The following RGPD2 variants were observed in gnomAD, a reference collection of about 807,000 sequenced individuals.
The protein encoded by RGPD2 is RANBP2-like and GRIP domain-containing protein 2.
In RGPD2, 2 loss-of-function variants were observed where a neutral mutation model predicts 36.0. That is an observed-to-expected ratio of 0.06 (90% CI 0.02 to 0.17). RGPD2 has a LOEUF of 0.17. Among genes scored for constraint, RGPD2 ranks in the 10% least tolerant of loss-of-function variants. The probability of loss-of-function intolerance (pLI) is 1.00; values close to 1 mark genes in which losing one functional copy is unlikely to be tolerated. For missense variants in RGPD2, 40 were observed against 464.3 expected (o/e 0.09, Z 8.40); for synonymous variants, 19 against 163.8 (o/e 0.12, Z 6.75).
At chr2:87,932,882 AT>A in the RGPD2 span, among the ~76,000 whole-genome samples, 2 of 142,094 alleles carry the variant, frequency 1.4e-5, no homozygotes, top group Admixed American at 6.9e-5. Context: ...TGCCTTTAAC[AT>A]TTTTTCTTTC....
chr2:87,875,749 G>A, the RGPD2 span, among the ~76,000 whole-genome samples: 1 of 152,256 alleles, frequency 6.6e-6, no homozygotes, highest in Non-Finnish European at 1.5e-5. Context: ...GAGTTAGAGG[G>A]GAGTCCCTCA....
the RGPD2 span, among the ~76,000 whole-genome samples, chr2:87,964,820 T>C: frequency 1.2e-5 from 1 of 80,216 alleles, no homozygotes; most frequent in Admixed American, 1.2e-4. Context: ...TATTTATTTT[T>C]CTTTTTGAGA....
At chr2:87,769,977 T>C (rs915027968) in intron 22 of RGPD2, among the ~76,000 whole-genome samples, 1 of 149,762 alleles carries the variant, frequency 6.7e-6, no homozygotes, top group African/African-American at 2.4e-5. Context: ...TATAGAAACC[T>C]ATCCTATAGT....
chr2:87,769,012 G>A (rs1204426370), intron 22 of RGPD2, among the ~76,000 whole-genome samples: 1 of 30,432 alleles, frequency 3.3e-5, no homozygotes, highest in African/African-American at 1.1e-4. Flanking sequence ...TTGTTGCTCG[G>A]GCTGGAGTGC....
At chr2:87,882,989 C>A in the RGPD2 span, among the ~76,000 whole-genome samples, 1 of 151,812 alleles carries the variant, frequency 6.6e-6, no homozygotes, top group Non-Finnish European at 1.5e-5. Flanking sequence ...TTAGTGGAGT[C>A]TTTAGGATTT....
chr2:87,914,900 A>C, the RGPD2 span, among the ~76,000 whole-genome samples: 1 of 152,278 alleles, frequency 6.6e-6, no homozygotes, highest in East Asian at 1.9e-4. Context: ...GCATTTTAAA[A>C]AGGAAACTTG....
chr2:87,957,687 TG>T, the RGPD2 span, among the ~76,000 whole-genome samples: 1 of 152,220 alleles, frequency 6.6e-6, no homozygotes, highest in South Asian at 2.1e-4. Context: ...ATATGAATTT[TG>T]GGGGGGAGTC....
chr2:87,967,281 G>A, the RGPD2 span, among the ~76,000 whole-genome samples: 13 of 147,704 alleles, frequency 8.8e-5, no homozygotes, highest in South Asian at 2.1e-4. Flanking sequence ...GGTGGCATGC[G>A]CCTGTAGTCC....
the RGPD2 span, among the ~76,000 whole-genome samples, chr2:87,857,409 C>G: frequency 6.6e-6 from 1 of 151,760 alleles, no homozygotes; most frequent in East Asian, 2.0e-4. Context: ...GTGGTGCAAT[C>G]TCAGCTCACT....
At chr2:87,988,786 C>T in the RGPD2 span, among the ~76,000 whole-genome samples, 1 of 151,990 alleles carries the variant, frequency 6.6e-6, no homozygotes, top group Non-Finnish European at 1.5e-5. Flanking sequence ...AGCGATCCAC[C>T]TGCCTCAGTC....
the RGPD2 span, among the ~76,000 whole-genome samples, chr2:87,876,544 T>C: frequency 3.7e-4 from 57 of 152,292 alleles, no homozygotes; most frequent in African/African-American, 1.3e-3. Flanking sequence ...GGTTTTGAGT[T>C]CATTTCTTAA....
At chr2:87,864,576 TGATAGATAGATA>T in the RGPD2 span, among the ~76,000 whole-genome samples, 2,341 of 151,084 alleles carry the variant, frequency 0.015, 8 homozygotes, top group African/African-American at 0.046. Flanking sequence ...CATAGATAGA[TGATAGATAGATA>T]GATAGATAGA....
the RGPD2 span, among the ~76,000 whole-genome samples, chr2:87,837,334 G>A: frequency 2.0e-5 from 3 of 151,584 alleles, no homozygotes; most frequent in East Asian, 1.9e-4. Flanking sequence ...AGCAATTCTC[G>A]ACAAATTCAT....
chr2:87,915,668 A>G, the RGPD2 span, among the ~76,000 whole-genome samples: 1 of 147,710 alleles, frequency 6.8e-6, no homozygotes, highest in Non-Finnish European at 1.5e-5. Context: ...GTGTATATAT[A>G]TATATCTCCC....
At chr2:87,839,711 G>A in the RGPD2 span, among the ~76,000 whole-genome samples, 3 of 152,006 alleles carry the variant, frequency 2.0e-5, no homozygotes, top group Admixed American at 6.6e-5. Flanking sequence ...ATAGGTAGAA[G>A]TTACACAATG....
At chr2:87,885,056 C>T in the RGPD2 span, among the ~76,000 whole-genome samples, 2,780 of 152,096 alleles carry the variant, frequency 0.018, 12 homozygotes, top group Non-Finnish European at 0.021. Flanking sequence ...TGCATATGGA[C>T]TCCAACTTAG....
At chr2:87,772,931 G>A (rs1195159501) in intron 21 of RGPD2, among the ~76,000 whole-genome samples, 1 of 132,988 alleles carries the variant, frequency 7.5e-6, no homozygotes. Context: ...CTGATGGAAC[G>A]TCTCCATGAG....
the RGPD2 span, among the ~76,000 whole-genome samples, chr2:87,921,503 G>A: frequency 6.6e-6 from 1 of 151,976 alleles, no homozygotes; most frequent in Non-Finnish European, 1.5e-5. Flanking sequence ...CCCAAAGCAG[G>A]AACTTGAAAA....
At chr2:87,978,655 T>C in the RGPD2 span, among the ~76,000 whole-genome samples, 1 of 64,702 alleles carries the variant, frequency 1.5e-5, no homozygotes, top group Non-Finnish European at 3.5e-5. Context: ...TTCATGCCTG[T>C]AATCGAAGCA....
Sources: allele counts gnomAD v4.1 joint callset (sites outside exome capture counted in the v4.1 genomes callset), GRCh38; gene constraint gnomAD v4.1.1; transcripts MANE v1.5; gene names NCBI Gene and HGNC (gene_info 2026-07-23, HGNC 2026-07-21).